The following ITGA9 variants were observed in gnomAD, a reference collection of about 807,000 sequenced individuals.
ITGA9 encodes the protein integrin subunit alpha 9.
In ITGA9, 56 loss-of-function variants were observed where a neutral mutation model predicts 127.8. That is an observed-to-expected ratio of 0.44 (90% CI 0.35 to 0.55). ITGA9 has a LOEUF of 0.55. Ranked by LOEUF, ITGA9 falls within the 20% of genes least tolerant of loss-of-function variation. The probability of loss-of-function intolerance (pLI) is 0.00; values close to 1 mark genes in which losing one functional copy is unlikely to be tolerated. For missense variants in ITGA9, 1,196 were observed against 1,347.1 expected, an observed-to-expected ratio of 0.89 and a Z score of 1.76; for synonymous variants, 508 against 514.5, an observed-to-expected ratio of 0.99 and a Z score of 0.17.
At chr3:37,586,515 C>T (rs1207499581) in intron 15 of ITGA9, among the ~76,000 whole-genome samples, 1 of 152,180 alleles carries the variant, frequency 6.6e-6, no homozygotes, top group Non-Finnish European at 1.5e-5. Context: ...TTTAGGAATG[C>T]CATTTGGCAT....
At chr3:37,666,140 A>T (rs1700584177) in intron 17 of ITGA9, among the ~76,000 whole-genome samples, 1 of 152,196 alleles carries the variant, frequency 6.6e-6, no homozygotes, top group Non-Finnish European at 1.5e-5. Context: ...CACTAACTAT[A>T]GTCATGATCA....
rs975924349 is a variant in ITGA9 at position 37,756,608 on chromosome 3, TGTAAAATGAACTAGTA to T, written c.2541+6043_2541+6058del. 3.9e-5 allele frequency among the ~76,000 whole-genome samples: 6 copies of T among 152,346 alleles called. No homozygotes were observed. The East Asian group carries it at 1.2e-3, about 29-fold the overall frequency. On this transcript the variant is annotated intron_variant, in intron 23 of 27. Coordinates refer to ENST00000264741, the MANE Select transcript of ITGA9 (RefSeq NM_002207.3). ...ACTCCCCAATCTTATTTTCCTCATC[TGTAAAATGAACTAGTA>T]GTAGTACCTATCTCACACTGTAAGG...
chr3:37,738,862 G>A (rs1413897079), intron 20 of ITGA9, among the ~76,000 whole-genome samples: 5 of 152,194 alleles, frequency 3.3e-5, no homozygotes, highest in African/African-American at 1.2e-4. Flanking sequence ...CAGGGAACCA[G>A]TATTGCAATT....
chr3:37,460,070 G>A (rs917266467), intron 1 of ITGA9, among the ~76,000 whole-genome samples: 2 of 152,112 alleles, frequency 1.3e-5, no homozygotes, highest in Non-Finnish European at 2.9e-5. Context: ...AATATTCCAT[G>A]TATCCCTCTA....
chr3:37,801,484 A>G (rs1697234472), intron 26 of ITGA9, among the ~76,000 whole-genome samples: 1 of 152,164 alleles, frequency 6.6e-6, no homozygotes. Flanking sequence ...TTTAAAAAGT[A>G]AAAAGAGCTG....
At chr3:37,680,906 C>A (rs1327410533) in intron 17 of ITGA9, among the ~76,000 whole-genome samples, 1 of 152,140 alleles carries the variant, frequency 6.6e-6, no homozygotes, top group Non-Finnish European at 1.5e-5. Flanking sequence ...TTATTGGAGG[C>A]CGTTCAAGAA....
chr3:37,452,441 G>T lies in ITGA9; in HGVS notation c.67G>T (p.Ala23Ser). 1 of 1,477,638 alleles carries T rather than the reference G, an allele frequency of 6.8e-7. No homozygotes were observed. The highest frequency in any genetic ancestry group is 2.3e-5 in the Admixed American group (1 of 42,776). 91.5% of individuals were successfully genotyped at this position (1,477,638 alleles called of 1,614,324 possible). A position where few individuals can be genotyped will look rare whatever the true frequency, so the allele number is the denominator to read the frequency against. Reference sequence around the variant, plus strand: ...CGCGCTGCTGCTGGCGCTGGTGGTCGCGGGGATCCCCGCGGGCGCCTACAA... The same window carrying T: ...CGCGCTGCTGCTGGCGCTGGTGGTCTCGGGGATCCCCGCGGGCGCCTACAA... ...LRALLLALVV[A>S]GIPAGAYNLD... Residue 23 changes from alanine (A) to serine (S), a missense_variant, in exon 1 of 28, where the codon GCG (alanine) becomes TCG (serine). Transcript: ENST00000264741. This position sits in a 1 kb window ranked among gnomAD's most constrained non-coding sequence, Gnocchi z 7.3.
intron 16 of ITGA9, among the ~76,000 whole-genome samples, chr3:37,647,323 T>C (rs1211846660): frequency 2.6e-5 from 4 of 152,130 alleles, no homozygotes; most frequent in Non-Finnish European, 5.9e-5. Context: ...ATAACATTTA[T>C]TTTGTTCATG....
At chr3:37,588,938 A>G (rs1032191840) in intron 15 of ITGA9, among the ~76,000 whole-genome samples, 3 of 152,162 alleles carry the variant, frequency 2.0e-5, no homozygotes, top group Admixed American at 2.0e-4. Context: ...GTCTGAGTGG[A>G]TGACTGTAGT....
chr3:37,537,675 G>T (rs1236250891), intron 14 of ITGA9, among the ~76,000 whole-genome samples: 1 of 152,156 alleles, frequency 6.6e-6, no homozygotes, highest in Non-Finnish European at 1.5e-5. Context: ...TGGGAGGGGG[G>T]CAGGCAGACG....
intron 18 of ITGA9, among the ~76,000 whole-genome samples, chr3:37,727,485 A>C (rs1696226440): frequency 6.6e-6 from 1 of 152,268 alleles, no homozygotes; most frequent in African/African-American, 2.4e-5. Context: ...ACTGAAAATT[A>C]CGAAATTAGG....
At chr3:37,617,361 G>A (rs1383571279) in intron 15 of ITGA9, among the ~76,000 whole-genome samples, 1 of 152,176 alleles carries the variant, frequency 6.6e-6, no homozygotes, top group Non-Finnish European at 1.5e-5. Flanking sequence ...TCCCTTTGTG[G>A]GTAACCCGAC....
chr3:37,771,365 A>G (rs1386892129), intron 23 of ITGA9, among the ~76,000 whole-genome samples: 1 of 152,202 alleles, frequency 6.6e-6, no homozygotes, highest in Admixed American at 6.5e-5. Flanking sequence ...GTGATGAGAT[A>G]AGGTAGTCCC....
At chr3:37,796,627 A>G (rs1697177353) in intron 26 of ITGA9, among the ~76,000 whole-genome samples, 1 of 152,216 alleles carries the variant, frequency 6.6e-6, no homozygotes, top group Non-Finnish European at 1.5e-5. Flanking sequence ...CCCAAAAGAT[A>G]TAACATTTGC....
At chr3:37,793,437 C>T (rs1190004928) in intron 26 of ITGA9, among the ~76,000 whole-genome samples, 3 of 146,826 alleles carry the variant, frequency 2.0e-5, no homozygotes, top group African/African-American at 2.5e-5. Flanking sequence ...CACACACACA[C>T]GTGCACACAC....
chr3:37,759,461 GT>G (rs1345256441), intron 23 of ITGA9, among the ~76,000 whole-genome samples: 1 of 151,884 alleles, frequency 6.6e-6, no homozygotes, highest in Non-Finnish European at 1.5e-5. Flanking sequence ...ACTAAAATCA[GT>G]TTAAATAAAG....
At chr3:37,523,497 C>G in intron 11 of ITGA9, 24 bp from the exon 12 acceptor site, 1 of 1,581,332 alleles carries the variant, frequency 6.3e-7, no homozygotes, top group Non-Finnish European at 8.7e-7. Flanking sequence ...TCCTGTGACT[C>G]CATTTCCCTA....
intron 15 of ITGA9, among the ~76,000 whole-genome samples, chr3:37,556,484 G>A (rs919363649): frequency 3.3e-5 from 5 of 152,164 alleles, no homozygotes; most frequent in African/African-American, 9.7e-5. Context: ...GGCAGCTCTC[G>A]GAGCTGGCAC....
chr3:37,508,537 T>C, intron 7 of ITGA9, 22 bp from the exon 8 acceptor site: 2 of 741,390 alleles, frequency 2.7e-6, no homozygotes, highest in Non-Finnish European at 3.8e-6. Flanking sequence ...CCTAACTAGA[T>C]TTTTTTTTTT....
Sources: gnomAD v4.1 joint callset for allele counts (sites outside exome capture counted in the v4.1 genomes callset) on GRCh38, gnomAD v4.1.1 for gene constraint, Gnocchi (gnomAD v3.1) non-coding constraint, MANE v1.5 for transcripts, NCBI Gene and HGNC (gene_info 2026-07-23, HGNC 2026-07-21) for gene names.